CNTNAP5: variants seen among roughly 807,000 people sequenced by gnomAD.
CNTNAP5 encodes the protein contactin-associated protein-like 5.
CNTNAP5 carries 72 observed loss-of-function variants against 150.2 expected under a neutral mutation model. The ratio of observed to expected loss-of-function variants is 0.48; its 90% CI spans 0.40 to 0.58. CNTNAP5 has a LOEUF of 0.58. Ranked by LOEUF, CNTNAP5 falls within the 20% of genes least tolerant of loss-of-function variation. The pLI, the probability that CNTNAP5 is intolerant of heterozygous loss-of-function variation, is 0.00. For missense variants in CNTNAP5, 1,636 were observed against 1,626.2 expected (o/e 1.01, Z -0.10); for synonymous variants, 672 against 619.8 (o/e 1.08, Z -1.25).
chr2:124,621,645 T>A (rs986184731), intron 12 of CNTNAP5, among the ~76,000 whole-genome samples: 4 of 152,190 alleles, frequency 2.6e-5, no homozygotes, highest in African/African-American at 9.7e-5. Context: ...AAGAAATGTA[T>A]CCATGTGGTT....
chr2:124,578,734 C>G (rs988244465), intron 11 of CNTNAP5, among the ~76,000 whole-genome samples: 20 of 152,144 alleles, frequency 1.3e-4, no homozygotes, highest in African/African-American at 4.8e-4. Context: ...GATCACACCA[C>G]TGCATTCCAG....
At chr2:124,413,368 A>T (rs1691828202) in intron 3 of CNTNAP5, among the ~76,000 whole-genome samples, 1 of 150,288 alleles carries the variant, frequency 6.7e-6, no homozygotes, top group South Asian at 2.1e-4. Context: ...TGACGCAGCC[A>T]TCCCATTACT....
rs11431857 is a variant in CNTNAP5 at position 124,347,828 on chromosome 2, A to ATT, written c.382-69602_382-69601dup. ...ACACATGTAGTGTGTCTCCTTGACA[A>ATT]TTTTTTTTTTTTTTGAGACGGAGTC... On this transcript the variant is annotated intron_variant, in intron 3 of 23. Transcript: ENST00000682447. 2.9e-3 allele frequency among the ~76,000 whole-genome samples: 417 copies of ATT among 146,158 alleles called. 4 individuals are homozygous for ATT. Among genetic ancestry groups the ATT allele is most frequent in the South Asian group, 7.2e-3 (33 of 4,566 alleles).
rs938740170 is a variant in CNTNAP5 at position 124,226,652 on chromosome 2, G to C, written c.187+4843G>C. Among the ~76,000 whole-genome samples, 3 of 152,100 alleles carry C rather than the reference G, an allele frequency of 2.0e-5. No homozygotes were observed. The East Asian group carries it at 5.8e-4, about 29-fold the overall frequency. On this transcript the variant is annotated intron_variant, in intron 2 of 23. Transcript: ENST00000682447. Reference sequence around the variant, plus strand: ...TTTTGTCTTTGTTGTCTGTGCTTTAGATATCTTAGCCCATTTCAGTTTCTT... The same window carrying C: ...TTTTGTCTTTGTTGTCTGTGCTTTACATATCTTAGCCCATTTCAGTTTCTT...
At chr2:124,358,529 G>T (rs569361970) in intron 3 of CNTNAP5, among the ~76,000 whole-genome samples, 30 of 152,218 alleles carry the variant, frequency 2.0e-4, no homozygotes, top group African/African-American at 7.0e-4. Flanking sequence ...GTTGAATTTT[G>T]TCAAAGGCTT....
chr2:124,673,384 G>T (rs1678862310), intron 13 of CNTNAP5, among the ~76,000 whole-genome samples: 1 of 151,926 alleles, frequency 6.6e-6, no homozygotes, highest in Non-Finnish European at 1.5e-5. Flanking sequence ...TGCAATTTTT[G>T]ATAGGGCGGT....
intron 8 of CNTNAP5, among the ~76,000 whole-genome samples, chr2:124,506,907 A>G (rs2104866196): frequency 6.6e-6 from 1 of 152,300 alleles, no homozygotes. Context: ...TCATGTGCTC[A>G]GGAAGGCCTT....
At chr2:124,485,751 G>T (rs1360970685) in intron 7 of CNTNAP5, among the ~76,000 whole-genome samples, 7 of 152,054 alleles carry the variant, frequency 4.6e-5, no homozygotes, top group African/African-American at 1.7e-4. Flanking sequence ...TGAAGCTGGG[G>T]TCAACCATGC....
At chr2:124,543,803 A>G (rs1012803535) in intron 10 of CNTNAP5, among the ~76,000 whole-genome samples, 14 of 152,170 alleles carry the variant, frequency 9.2e-5, no homozygotes, top group Admixed American at 2.6e-4. Context: ...GCCAAATGCC[A>G]TCTAAAGCCT....
intron 3 of CNTNAP5, among the ~76,000 whole-genome samples, chr2:124,256,197 C>T (rs948149440): frequency 6.6e-5 from 10 of 152,126 alleles, no homozygotes; most frequent in Non-Finnish European, 1.0e-4. Context: ...AACCTTCGTT[C>T]GGATAATATA....
intron 1 of CNTNAP5, among the ~76,000 whole-genome samples, chr2:124,120,918 G>A (rs886135235): frequency 1.3e-5 from 2 of 152,156 alleles, no homozygotes; most frequent in African/African-American, 4.8e-5. Flanking sequence ...GAAGGCATGT[G>A]AGGGGTCTCT....
intron 3 of CNTNAP5, among the ~76,000 whole-genome samples, chr2:124,355,481 CAG>C (rs1272658973): frequency 6.6e-6 from 1 of 152,146 alleles, no homozygotes; most frequent in Admixed American, 6.6e-5. Context: ...TCCCAAGCAG[CAG>C]GCACCCTACC....
At chr2:124,831,503 T>C (rs1442584498) in intron 19 of CNTNAP5, among the ~76,000 whole-genome samples, 1 of 151,332 alleles carries the variant, frequency 6.6e-6, no homozygotes, top group Non-Finnish European at 1.5e-5. Context: ...GCTTTTCTTA[T>C]ATTTTTCCAT....
intron 3 of CNTNAP5, among the ~76,000 whole-genome samples, chr2:124,321,603 A>T (rs1237964787): frequency 2.0e-5 from 3 of 152,186 alleles, no homozygotes; most frequent in Non-Finnish European, 2.9e-5. Context: ...CATTAGAGTA[A>T]ATTCAAAACA....
intron 1 of CNTNAP5, among the ~76,000 whole-genome samples, chr2:124,054,818 T>C (rs1681802076): frequency 6.6e-6 from 1 of 152,234 alleles, no homozygotes; most frequent in African/African-American, 2.4e-5. Flanking sequence ...GCCTTTTCTA[T>C]TTCCCTTCCT....
chr2:124,456,744 A>C (rs1349964338), intron 6 of CNTNAP5, among the ~76,000 whole-genome samples: 3 of 152,074 alleles, frequency 2.0e-5, no homozygotes, highest in African/African-American at 7.2e-5. Context: ...ACAGAATAGA[A>C]AACCCAGAAA....
intron 3 of CNTNAP5, among the ~76,000 whole-genome samples, chr2:124,406,973 T>A (rs1403257637): frequency 6.6e-6 from 1 of 152,240 alleles, no homozygotes; most frequent in Non-Finnish European, 1.5e-5. Flanking sequence ...TGTAGCTGGC[T>A]TATTTTACTT....
chr2:124,235,055 G>A (rs910182270), intron 2 of CNTNAP5, among the ~76,000 whole-genome samples: 10 of 152,274 alleles, frequency 6.6e-5, no homozygotes, highest in African/African-American at 2.4e-4. Context: ...AGCAGGGTAA[G>A]ACAGAGGGGA....
intron 21 of CNTNAP5, among the ~76,000 whole-genome samples, chr2:124,890,615 G>A (rs1352173005): frequency 6.6e-6 from 1 of 152,120 alleles, no homozygotes; most frequent in South Asian, 2.1e-4. Flanking sequence ...ATTGGTTGAC[G>A]TGGTGTGCAA....
Sources: gnomAD v4.1 joint callset for allele counts (sites outside exome capture counted in the v4.1 genomes callset) on GRCh38, gnomAD v4.1.1 for gene constraint, MANE v1.5 for transcripts, NCBI Gene and HGNC (gene_info 2026-07-23, HGNC 2026-07-21) for gene names.